Variants in VIT observed in about 807,000 individuals in gnomAD.
The protein encoded by VIT is vitrin.
A neutral mutation model predicts 78.0 loss-of-function variants in VIT; 99 were observed. The observed-to-expected ratio is 1.27, with a 90% CI of 1.08 to 1.50. The LOEUF (loss-of-function observed/expected upper bound fraction) is 1.50, where lower values mean the gene tolerates loss of function less well. Among genes scored for constraint, VIT ranks in the 40% most tolerant of loss-of-function variants. VIT has a pLI of 0.00. For missense variants in VIT, 1,126 were observed against 875.3 expected (o/e 1.29, Z -3.61); for synonymous variants, 374 against 334.3 (o/e 1.12, Z -1.29).
chr2:36,785,963 A>G (rs1393662078), intron 11 of VIT, among the ~76,000 whole-genome samples: 1 of 152,202 alleles, frequency 6.6e-6, no homozygotes, highest in Non-Finnish European at 1.5e-5. Flanking sequence ...AACCAGCAAC[A>G]ACCCTCTCCA....
chr2:36,801,488 A>G, intron 13 of VIT, 84 bp downstream of exon 13: 1 of 1,214,510 alleles, frequency 8.2e-7, no homozygotes, highest in Non-Finnish European at 1.2e-6. Flanking sequence ...TCTATATAAA[A>G]GGAAAAAATA....
At chr2:36,790,731 G>T (rs2148641686) in intron 12 of VIT, among the ~76,000 whole-genome samples, 1 of 152,344 alleles carries the variant, frequency 6.6e-6, no homozygotes, top group African/African-American at 2.4e-5. Flanking sequence ...TCGCTCATCT[G>T]CCAGGAAAGA....
intron 7 of VIT, among the ~76,000 whole-genome samples, chr2:36,771,908 A>G (rs1016435083): frequency 2.0e-5 from 3 of 152,240 alleles, no homozygotes; most frequent in African/African-American, 7.2e-5. Context: ...GCTACAAAAC[A>G]GCATGGGAAC....
chr2:36,743,050 G>A (rs186376890), intron 3 of VIT, 50 bp from the exon 4 acceptor site: 1 of 1,606,086 alleles, frequency 6.2e-7, no homozygotes, highest in African/African-American at 1.3e-5. Context: ...TCACCCCACA[G>A]ATAAACTAAT....
rs200385489 is a variant in VIT at position 36,801,445 on chromosome 2, C to T, written c.1162+41C>T. The T allele has an allele frequency of 3.2e-5, 48 of 1,488,616 alleles. No homozygotes were observed. In the African/African-American group the frequency reaches 3.6e-4, roughly 11 times the overall value. The allele number at this position is 1,488,616 out of a possible 1,614,324, so 92.2% of individuals were successfully genotyped here. A position where few individuals can be genotyped will look rare whatever the true frequency, so the allele number is the denominator to read the frequency against. Reference sequence around the variant, plus strand: ...TCAAATTATACTATCTTGCTACCATCGTTCTCTTTCTACGTGATTGTCTTC... The same window carrying T: ...TCAAATTATACTATCTTGCTACCATTGTTCTCTTTCTACGTGATTGTCTTC... On this transcript the variant is annotated intron_variant, in intron 13 of 15. Coordinates refer to ENST00000379242, the MANE Select transcript of VIT (RefSeq NM_053276.4).
At chr2:36,754,691 A>C (rs113612313) in intron 4 of VIT, among the ~76,000 whole-genome samples, 34 of 152,292 alleles carry the variant, frequency 2.2e-4, no homozygotes, top group Non-Finnish European at 4.3e-4. Context: ...CTGACAGAAC[A>C]ATCAGCTCCT....
chr2:36,806,988 C>A (rs1666777689), intron 14 of VIT, among the ~76,000 whole-genome samples: 1 of 152,184 alleles, frequency 6.6e-6, no homozygotes, highest in African/African-American at 2.4e-5. Context: ...TCCCGCTGAA[C>A]TGTTTCCTCC....
chr2:36,708,901 G>T (rs1665621326), intron 1 of VIT, among the ~76,000 whole-genome samples: 1 of 152,170 alleles, frequency 6.6e-6, no homozygotes, highest in Non-Finnish European at 1.5e-5. Flanking sequence ...TGTAATCCCA[G>T]CACTTTGGGA....
chr2:36,713,060 T>C (rs1665903404), intron 1 of VIT, among the ~76,000 whole-genome samples: 1 of 152,040 alleles, frequency 6.6e-6, no homozygotes, highest in East Asian at 1.9e-4. Context: ...AAAAATAAAA[T>C]AAGCAAAGTA....
At chr2:36,745,935 G>A (rs182603400) in intron 4 of VIT, among the ~76,000 whole-genome samples, 72 of 152,252 alleles carry the variant, frequency 4.7e-4, no homozygotes, top group African/African-American at 1.7e-3. Flanking sequence ...GATGTTGGCT[G>A]TGGATTTGTC....
chr2:36,781,642 C>G (rs548093757), intron 9 of VIT, 85 bp from the exon 10 acceptor site: 1 of 1,498,530 alleles, frequency 6.7e-7, no homozygotes, highest in Admixed American at 1.7e-5. Context: ...AATTGGGAAA[C>G]CTTATCATCC....
At chr2:36,715,976 A>G (rs1221412231) in intron 1 of VIT, among the ~76,000 whole-genome samples, 4 of 152,358 alleles carry the variant, frequency 2.6e-5, no homozygotes, top group East Asian at 3.9e-4. Context: ...TCGAATGAAT[A>G]GTGAAGTATT....
intron 2 of VIT, among the ~76,000 whole-genome samples, chr2:36,718,762 G>A (rs1389385612): frequency 6.6e-6 from 1 of 152,186 alleles, no homozygotes; most frequent in Non-Finnish European, 1.5e-5. Context: ...GACTGGGCAA[G>A]TTCCAGGGGT....
At chr2:36,783,130 C>A (rs1664869440) in intron 10 of VIT, among the ~76,000 whole-genome samples, 1 of 152,152 alleles carries the variant, frequency 6.6e-6, no homozygotes, top group Admixed American at 6.5e-5. Flanking sequence ...GATTTCAAAT[C>A]CCCCAGCAGA....
intron 3 of VIT, among the ~76,000 whole-genome samples, chr2:36,737,382 C>T (rs1040739713): frequency 6.6e-6 from 1 of 151,992 alleles, no homozygotes; most frequent in African/African-American, 2.4e-5. Flanking sequence ...CACTAGAGGG[C>T]GGGGACTCCT....
chr2:36,805,694 A>C, intron 14 of VIT, 30 bp downstream of exon 14: 1 of 1,593,982 alleles, frequency 6.3e-7, no homozygotes, highest in Non-Finnish European at 8.6e-7. Flanking sequence ...CCTACCCAAC[A>C]TCAGGATTTT....
At chr2:36,708,827 C>G (rs1400992612) in intron 1 of VIT, among the ~76,000 whole-genome samples, 1 of 152,184 alleles carries the variant, frequency 6.6e-6, no homozygotes, top group Non-Finnish European at 1.5e-5. Context: ...CCAATGCTGT[C>G]TGCACAGTAG....
Position 36,767,093 on chromosome 2 carries a change from G to A in VIT, c.488-1G>A. The A allele has an allele frequency of 6.3e-7, 1 of 1,587,962 alleles. No individual in the cohort carries two copies. Among genetic ancestry groups the A allele is most frequent in the Non-Finnish European group, 8.6e-7 (1 of 1,167,008 alleles). On this transcript the variant is annotated splice_acceptor_variant, in intron 6 of 15. Transcript: ENST00000379242. LOFTEE classifies it high-confidence loss of function. ...CTTGGTATAATTCCATTTTCTTACAGGTGAGACCACAAAAGCCTATCAGAG... is the reference window on the plus strand; with the variant it reads ...CTTGGTATAATTCCATTTTCTTACAAGTGAGACCACAAAAGCCTATCAGAG...
chr2:36,775,378 G>A (rs542485025), intron 9 of VIT, among the ~76,000 whole-genome samples: 2 of 152,290 alleles, frequency 1.3e-5, no homozygotes, highest in African/African-American at 2.4e-5. Flanking sequence ...CCCATCCTCA[G>A]ACAGTCCTCC....
Sources: gnomAD v4.1 joint callset for allele counts (sites outside exome capture counted in the v4.1 genomes callset) on GRCh38, gnomAD v4.1.1 for gene constraint, MANE v1.5 for transcripts, NCBI Gene and HGNC (gene_info 2026-07-23, HGNC 2026-07-21) for gene names.